The following LMF1 variants were observed in gnomAD, a reference collection of about 807,000 sequenced individuals.
LMF1 encodes the protein transmembrane protein 112.
A neutral mutation model predicts 60.6 loss-of-function variants in LMF1; 68 were observed. The observed-to-expected ratio is 1.12, with a 90% confidence interval of 0.92 to 1.37. The LOEUF is 1.37. LMF1 is among the 40% of genes most tolerant of loss of function. LMF1 has a pLI of 0.00. For missense variants in LMF1, 948 were observed against 767.2 expected, an observed-to-expected ratio of 1.24 and a Z score of -2.78; for synonymous variants, 418 against 324.7, an observed-to-expected ratio of 1.29 and a Z score of -3.09.
Position 970,965 on chromosome 16 carries a change from G to A in LMF1, c.16C>T (p.Pro6Ser). The change falls in exon 1 of 11, where the codon CCA becomes TCA. Residue 6 changes from proline to serine, a missense_variant. Pro to Ser is a moderately conservative substitution (Grantham distance 74). Coordinates refer to ENST00000262301, the MANE Select transcript of LMF1 (RefSeq NM_022773.4). MRPDS[P>S]TMAAPAESLR... ...GACTCCGCGGGCGCCGCCATTGTTG[G>A]GCTGTCAGGGCGCATGTGCGGGGAG... 6.5e-7 allele frequency: 1 copy of A among 1,526,916 alleles called. No individual in the cohort carries two copies. The highest frequency in any genetic ancestry group is 1.2e-5 in the South Asian group (1 of 81,846). 94.6% of individuals were successfully genotyped at this position (1,526,916 alleles called of 1,614,324 possible).
intron 1 of LMF1, among the ~76,000 whole-genome samples, chr16:955,338 T>C (rs2072663408): frequency 6.7e-6 from 1 of 148,226 alleles, no homozygotes; most frequent in East Asian, 2.0e-4. Flanking sequence ...CACACACACA[T>C]CTAAGTGAAC....
At chr16:880,356 G>A (rs2070126984) in intron 5 of LMF1, among the ~76,000 whole-genome samples, 1 of 151,748 alleles carries the variant, frequency 6.6e-6, no homozygotes, top group Non-Finnish European at 1.5e-5. Flanking sequence ...GGAAGGGTGG[G>A]AACTTGCCCT....
rs1390129360 is a variant in LMF1 at position 903,107 on chromosome 16, G to A, written c.663+7824C>T. 3 of 50,880 alleles carry A rather than the reference G, an allele frequency of 5.9e-5. No individual in the cohort carries two copies. The African/African-American group carries it at 7.0e-4, about 12-fold the overall frequency. 3.2% of individuals were successfully genotyped at this position (50,880 alleles called of 1,614,324 possible). A position where few individuals can be genotyped will look rare whatever the true frequency, so the allele number is the denominator to read the frequency against. On this transcript the variant is annotated intron_variant, in intron 4 of 10. Coordinates refer to ENST00000262301, the MANE Select transcript of LMF1 (RefSeq NM_022773.4). ...GTGGTGACCTCTGCACTGCCCACAG[G>A]ACTCCTGTCTCTGCTGTGTGGTGGT...
intron 10 of LMF1, among the ~76,000 whole-genome samples, chr16:860,343 AG>A (rs893989231): frequency 8.0e-5 from 12 of 150,480 alleles, no homozygotes; most frequent in East Asian, 1.9e-4. Context: ...TTTTCCTGAA[AG>A]TTTTTTTTTT....
chr16:956,797 T>C (rs968153562), intron 1 of LMF1, among the ~76,000 whole-genome samples: 2 of 148,388 alleles, frequency 1.3e-5, no homozygotes, highest in Non-Finnish European at 3.0e-5. Context: ...TGAGCCAAGA[T>C]TGCGCCACTG....
chr16:978,708 G>A (rs1010306493), intron 1 of LMF1, among the ~76,000 whole-genome samples: 1 of 152,132 alleles, frequency 6.6e-6, no homozygotes, highest in African/African-American at 2.4e-5. Flanking sequence ...TGCAGACACG[G>A]CGGAGCAGGC....
At chr16:882,915 G>A (rs933839366) in intron 5 of LMF1, among the ~76,000 whole-genome samples, 6 of 151,354 alleles carry the variant, frequency 4.0e-5, no homozygotes, top group African/African-American at 1.5e-4. Flanking sequence ...GCAGGACCAG[G>A]AGAAAGAGGA....
Position 854,721 on chromosome 16 carries a change from A to C in LMF1, c.1530-15T>G, listed in dbSNP as rs367769866. ...CTCGGACCCACCTGCAAGGGGGCAC[A>C]TGTCAGCCCAGGGCCTGCTGGGACT... On this transcript the variant is annotated splice_polypyrimidine_tract_variant and intron_variant, in intron 10 of 10. Transcript: ENST00000262301. 5.7e-6 allele frequency: 9 copies of C among 1,572,748 alleles called. No homozygotes were observed. The highest frequency in any genetic ancestry group is 7.7e-6 in the Non-Finnish European group (9 of 1,166,030).
At position 871,585 on chromosome 16, in the gene LMF1, G is replaced by T. The variant is rs149375599; in HGVS notation, c.898-244C>A. ...ATTCCTCCCATGACTGCACATTTCT[G>T]TGCAGGTTCTGTCCCTTGCTTTAGT... On this transcript the variant is annotated intron_variant, in intron 6 of 10. Transcript: ENST00000262301. The T allele has an allele frequency of 3.5e-3, 1,918 of 553,892 alleles. 10 individuals carry two copies. Among genetic ancestry groups the T allele is most frequent in the Non-Finnish European group, 4.8e-3 (1,494 of 310,590 alleles). The allele number at this position is 553,892 out of a possible 1,614,324, so 34.3% of individuals were successfully genotyped here.
rs749850480 is a variant in LMF1 at position 879,690 on chromosome 16, G to C, written c.777C>G (p.Pro259=). Residue 259 remains proline (P), a synonymous_variant, in exon 6 of 11, where the codon CCC becomes CCG. Transcript: ENST00000262301. The part of the protein sequence containing the change: ...NPVAYYLHHS[P]WWFHRFETLS... ...GCGTCTCGAAGCGATGGAACCACCAGGGTGAGTGGTGCAGGTAGTACGCCA... is the reference window on the plus strand; with the variant it reads ...GCGTCTCGAAGCGATGGAACCACCACGGTGAGTGGTGCAGGTAGTACGCCA... The C allele has an allele frequency of 2.5e-6, 4 of 1,605,756 alleles. No homozygotes were observed. The East Asian group carries it at 6.7e-5, about 27-fold the overall frequency.
intron 4 of LMF1, among the ~76,000 whole-genome samples, chr16:909,939 G>C (rs2071065603): frequency 6.6e-6 from 1 of 152,206 alleles, no homozygotes; most frequent in African/African-American, 2.4e-5. Context: ...CCTTGGGGCA[G>C]TGCCCAACTC....
intron 5 of LMF1, among the ~76,000 whole-genome samples, chr16:884,674 C>T (rs1258931357): frequency 3.3e-5 from 5 of 150,994 alleles, no homozygotes; most frequent in Admixed American, 6.6e-5. Context: ...AAGCCTAGAT[C>T]TCCACGCAGG....
rs1596874268 is a variant in LMF1, at chr16:874,351, G to A, written c.898-3010C>T. Among the ~76,000 whole-genome samples, 1 of 151,824 alleles carries A rather than the reference G, an allele frequency of 6.6e-6. No individual in the cohort carries two copies. The highest frequency in any genetic ancestry group is 2.4e-5 in the African/African-American group (1 of 41,270). On this transcript the variant is annotated intron_variant, in intron 6 of 10. Transcript: ENST00000262301. This position sits in a 1 kb window ranked among gnomAD's most constrained non-coding sequence, Gnocchi z 4.1. ...CACAGGGCAAGGAGCCCTTTGGGCA[G>A]GGCGGGGTGGGGTGGGGCCGGACAG...
intron 2 of LMF1, chr16:954,144 C>T (rs2072603078): frequency 1.5e-6 from 1 of 685,594 alleles, no homozygotes; most frequent in Middle Eastern, 2.5e-4. Context: ...GGAAGAGCTA[C>T]TGCAAAGAGG....
intron 6 of LMF1, among the ~76,000 whole-genome samples, chr16:875,692 C>T (rs1195134132): frequency 1.3e-5 from 2 of 152,170 alleles, no homozygotes; most frequent in Admixed American, 6.5e-5. Context: ...CGGAGCCAAG[C>T]AGACCAACAC....
At position 885,528 on chromosome 16, in the gene LMF1, A is replaced by C. The variant is rs573588391; in HGVS notation, c.730-5791T>G. On this transcript the variant is annotated intron_variant, in intron 5 of 10. Coordinates refer to ENST00000262301, the MANE Select transcript of LMF1 (RefSeq NM_022773.4). ...CAAACACAAAGACACACACAGGCGG[A>C]AAGGTAAAGGACGGAAAAACATACC... is the stretch of plus-strand genomic sequence containing the variant. 5.9e-5 allele frequency among the ~76,000 whole-genome samples: 9 copies of C among 152,338 alleles called. 1 individual carries two copies. The highest frequency in any genetic ancestry group is 1.9e-4 in the African/African-American group (8 of 41,570).
chr16:911,985 G>A (rs573720440), intron 3 of LMF1, among the ~76,000 whole-genome samples: 17 of 152,190 alleles, frequency 1.1e-4, no homozygotes, highest in Non-Finnish European at 1.6e-4. Context: ...TATTCTCAGA[G>A]GTGAGGCCAC....
rs914686716 is a variant in LMF1 at position 861,530 on chromosome 16, AT to A, written c.1530-6825del. 4.0e-5 allele frequency among the ~76,000 whole-genome samples: 6 copies of A among 149,408 alleles called. No homozygotes were observed. In the East Asian group the frequency reaches 5.9e-4, roughly 15 times the overall value. On this transcript the variant is annotated intron_variant, in intron 10 of 10. Coordinates refer to ENST00000262301, the MANE Select transcript of LMF1 (RefSeq NM_022773.4). The stretch of plus-strand genomic sequence containing the variant: ...GCGTCACCACACCTGGCTAATTTGA[AT>A]TTTTTTTTAGTAGAGACAGGGTTTC...
At chr16:954,206 C>T in intron 2 of LMF1, 151 bp downstream of exon 2, 1 of 859,448 alleles carries the variant, frequency 1.2e-6, no homozygotes, top group Non-Finnish European at 1.9e-6. Context: ...GCACTGGCCG[C>T]TCTGCCATGG....
Sources: allele counts gnomAD v4.1 joint callset (sites outside exome capture counted in the v4.1 genomes callset), GRCh38; gene constraint gnomAD v4.1.1; non-coding constraint Gnocchi (gnomAD v3.1); transcripts MANE v1.5; gene names NCBI Gene and HGNC (gene_info 2026-07-23, HGNC 2026-07-21).